The following GLI3 variants were observed in gnomAD, a reference collection of about 807,000 sequenced individuals.
GLI3 encodes the protein GLI family zinc finger 3, also known as transcription activator GLI3.
A neutral mutation model predicts 100.8 loss-of-function variants in GLI3; 20 were observed. That is an observed-to-expected ratio of 0.20 (90% confidence interval 0.14 to 0.29). The LOEUF (loss-of-function observed/expected upper bound fraction) is 0.29. Among genes scored for constraint, GLI3 ranks in the 10% least tolerant of loss-of-function variants. GLI3 has a pLI of 1.00. For missense variants in GLI3, 2,040 were observed against 2,128.5 expected (o/e 0.96, Z 0.82); for synonymous variants, 938 against 860.5 (o/e 1.09, Z -1.58).
intron 2 of GLI3, among the ~76,000 whole-genome samples, chr7:42,187,585 T>C (rs1483403017): frequency 1.3e-5 from 2 of 152,092 alleles, no homozygotes; most frequent in African/African-American, 4.8e-5. Context: ...TCCCCAAAAT[T>C]CATATCCACC....
At position 42,045,464 on chromosome 7, in the gene GLI3, C is replaced by T. The variant is rs922663080; in HGVS notation, c.746G>A (p.Ser249Asn). Reference sequence around the variant, plus strand: ...TGAGGGAATAATGTCTGCATAGGGGCTGCGCTGGCCAGTTAGCAGGGCCAT... The same window carrying T: ...TGAGGGAATAATGTCTGCATAGGGGTTGCGCTGGCCAGTTAGCAGGGCCAT... Reference protein sequence around the residue: ...HQMALLTGQRSPYADIIPSAA... With the variant: ...HQMALLTGQRNPYADIIPSAA... The change falls in exon 6 of 15, where the codon AGC becomes AAC. Residue 249 changes from serine to asparagine, a missense_variant. Transcript: ENST00000395925. 1 of 1,613,874 alleles carries T rather than the reference C, an allele frequency of 6.2e-7. No homozygotes were observed. The highest frequency in any genetic ancestry group is 1.3e-5 in the African/African-American group (1 of 74,932).
chr7:42,048,657 C>T lies in GLI3; in HGVS notation c.513G>A (p.Leu171=), dbSNP rs1196850015. Reference sequence around the variant, plus strand: ...GGTGTGGGGAGATCCTAATGAAGGGCAGGTCCGGATACGTAGGGCTACTAG... The same window carrying T: ...GGTGTGGGGAGATCCTAATGAAGGGTAGGTCCGGATACGTAGGGCTACTAG... The part of the protein sequence containing the change: ...ALSSSPTYPD[L]PFIRISPHRN... The change falls in exon 5 of 15, where the codon CTG becomes CTA. Residue 171 remains leucine, a synonymous_variant. Coordinates refer to ENST00000395925, the MANE Select transcript of GLI3 (RefSeq NM_000168.6). 1 of 1,610,160 alleles carries T rather than the reference C, an allele frequency of 6.2e-7. No homozygotes were observed. Among genetic ancestry groups the T allele is most frequent in the African/African-American group, 1.4e-5 (1 of 73,418 alleles).
At chr7:42,190,068 A>G (rs993706225) in intron 2 of GLI3, among the ~76,000 whole-genome samples, 24 of 151,928 alleles carry the variant, frequency 1.6e-4, no homozygotes, top group African/African-American at 5.6e-4. Flanking sequence ...AGGTATTAAC[A>G]TTTGCAAATA....
chr7:42,225,655 A>G (rs1788567689), intron 1 of GLI3, among the ~76,000 whole-genome samples: 1 of 152,178 alleles, frequency 6.6e-6, no homozygotes, highest in Admixed American at 6.5e-5. Flanking sequence ...GCCTTGAACA[A>G]CTGTTCTACA....
intron 3 of GLI3, among the ~76,000 whole-genome samples, chr7:42,131,342 A>G (rs897598035): frequency 6.6e-6 from 1 of 152,096 alleles, no homozygotes; most frequent in Non-Finnish European, 1.5e-5. Context: ...TTGTAAAGAC[A>G]AATAATAGGG....
chr7:42,224,272 C>CT (rs1788544210), intron 1 of GLI3, among the ~76,000 whole-genome samples: 1 of 152,172 alleles, frequency 6.6e-6, no homozygotes, highest in Non-Finnish European at 1.5e-5. Flanking sequence ...GGCCATCTTG[C>CT]TTATTTTTCT....
At chr7:42,173,401 A>G (rs1276809113) in intron 2 of GLI3, among the ~76,000 whole-genome samples, 3 of 152,200 alleles carry the variant, frequency 2.0e-5, no homozygotes, top group African/African-American at 4.8e-5. Flanking sequence ...AGTCTTTGCA[A>G]TAAAACTAGC....
chr7:42,071,788 G>C (rs1352106886), intron 4 of GLI3, among the ~76,000 whole-genome samples: 1 of 152,016 alleles, frequency 6.6e-6, no homozygotes, highest in African/African-American at 2.4e-5. Context: ...CCATAATTAC[G>C]GGGGCGAGGC....
At chr7:42,115,133 C>CATT (rs768579051) in intron 3 of GLI3, among the ~76,000 whole-genome samples, 1 of 99,630 alleles carries the variant, frequency 1.0e-5, no homozygotes, top group African/African-American at 3.8e-5. Context: ...AATTTTCCTA[C>CATT]TTTTTTTTTT....
intron 2 of GLI3, among the ~76,000 whole-genome samples, chr7:42,169,746 C>CA (rs1007443392): frequency 1.2e-4 from 17 of 147,278 alleles, no homozygotes; most frequent in African/African-American, 3.0e-4. Flanking sequence ...CCACAAAGCA[C>CA]AAAAAAAAGA....
chr7:42,058,889 T>G (rs1485780578), intron 4 of GLI3, among the ~76,000 whole-genome samples: 1 of 152,214 alleles, frequency 6.6e-6, no homozygotes, highest in Non-Finnish European at 1.5e-5. Context: ...CATTAATAAA[T>G]TAAAATTTCA....
chr7:41,988,720 G>C (rs542175083), intron 10 of GLI3, among the ~76,000 whole-genome samples: 42 of 152,266 alleles, frequency 2.8e-4, no homozygotes, highest in African/African-American at 1.0e-3. Context: ...AAATTACCCA[G>C]TGTTAAGATA....
intron 10 of GLI3, among the ~76,000 whole-genome samples, chr7:41,983,965 A>G (rs1159592295): frequency 1.3e-5 from 2 of 152,180 alleles, no homozygotes; most frequent in Non-Finnish European, 2.9e-5. Flanking sequence ...AAAATGAGCC[A>G]CGACTCAGTA....
chr7:42,127,158 G>A (rs1786153907), intron 3 of GLI3, among the ~76,000 whole-genome samples: 1 of 152,164 alleles, frequency 6.6e-6, no homozygotes, highest in African/African-American at 2.4e-5. Flanking sequence ...TTGATTGCAG[G>A]CACTCCTTCT....
At chr7:41,968,914 G>T (rs920452182) in intron 13 of GLI3, among the ~76,000 whole-genome samples, 2 of 152,058 alleles carry the variant, frequency 1.3e-5, no homozygotes, top group African/African-American at 4.8e-5. Context: ...AACCCCAACC[G>T]AGTAGACTCT....
At chr7:42,083,330 A>C (rs2128753747) in intron 3 of GLI3, among the ~76,000 whole-genome samples, 1 of 152,288 alleles carries the variant, frequency 6.6e-6, no homozygotes, top group South Asian at 2.1e-4. Context: ...TAACATCATG[A>C]CCTACAGTTC....
At chr7:42,037,859 T>C (rs1583499070) in intron 7 of GLI3, among the ~76,000 whole-genome samples, 2 of 152,138 alleles carry the variant, frequency 1.3e-5, no homozygotes, top group Non-Finnish European at 2.9e-5. Context: ...TGGGTGAAGA[T>C]GAGGAGACCA....
chr7:42,024,290 A>G (rs1163531898), intron 9 of GLI3, among the ~76,000 whole-genome samples: 1 of 152,220 alleles, frequency 6.6e-6, no homozygotes, highest in East Asian at 1.9e-4. Context: ...ATGCCAATAC[A>G]AGTCATTTTG....
intron 2 of GLI3, among the ~76,000 whole-genome samples, chr7:42,205,195 G>A (rs1451161811): frequency 1.3e-5 from 2 of 152,192 alleles, no homozygotes; most frequent in Admixed American, 6.5e-5. Context: ...TCATACATAC[G>A]CATCCTAGCA....
Sources: gnomAD v4.1 joint callset for allele counts (sites outside exome capture counted in the v4.1 genomes callset) on GRCh38, gnomAD v4.1.1 for gene constraint, MANE v1.5 for transcripts, NCBI Gene and HGNC (gene_info 2026-07-23, HGNC 2026-07-21) for gene names.